The following CCDC85C variants were observed in gnomAD, a reference collection of about 807,000 sequenced individuals.
CCDC85C encodes the protein coiled-coil domain-containing protein 85C.
Under a neutral mutation model 38.3 loss-of-function variants are expected in CCDC85C, and 18 were observed. The observed-to-expected ratio is 0.47, with a 90% CI of 0.33 to 0.70. CCDC85C has a LOEUF of 0.70. CCDC85C is among the 30% of genes least tolerant of loss of function. The pLI is 0.03. For missense variants in CCDC85C, 566 were observed against 621.2 expected (o/e 0.91, Z 0.94); for synonymous variants, 264 against 293.8 (o/e 0.90, Z 1.04).
Position 99,516,142 on chromosome 14 carries a change from G to A in CCDC85C, c.1170+46C>T, listed in dbSNP as rs750269776. ...ATGGCCATGCTGGGTGGCCCTGGTC[G>A]CACTCCCAGTGCCAAGCCTCTGCCC... On this transcript the variant is annotated intron_variant, in intron 5 of 5. Coordinates refer to ENST00000380243, the MANE Select transcript of CCDC85C (RefSeq NM_001144995.2). This position sits in a 1 kb window ranked among gnomAD's most constrained non-coding sequence, Gnocchi z 5.5. The A allele has an allele frequency of 4.0e-5, 58 of 1,442,618 alleles. No homozygotes were observed. The highest frequency in any genetic ancestry group is 2.9e-4 in the South Asian group (24 of 82,020). 89.4% of individuals were successfully genotyped at this position (1,442,618 alleles called of 1,614,324 possible).
intron 1 of CCDC85C, chr14:99,580,102 G>C: frequency 2.2e-6 from 1 of 455,762 alleles, no homozygotes; most frequent in Non-Finnish European, 4.4e-6. Context: ...CCAGGAATTC[G>C]GTCAGCAAAG....
Position 99,569,605 on chromosome 14 carries a change from A to G in CCDC85C, c.794-33517T>C, listed in dbSNP as rs548039261. On this transcript the variant is annotated intron_variant, in intron 1 of 5. Transcript: ENST00000380243. The surrounding 1 kb of genome is among the most constrained non-coding windows in gnomAD (Gnocchi z 4.3). ...CCAGGCCAAAAAGCCAGGACACTCCAGAGCCAAGAGCTGAACCCAGGCACA... is the reference window on the plus strand; with the variant it reads ...CCAGGCCAAAAAGCCAGGACACTCCGGAGCCAAGAGCTGAACCCAGGCACA... 1.3e-5 allele frequency among the ~76,000 whole-genome samples: 2 copies of G among 152,344 alleles called. No individual in the cohort carries two copies. The highest frequency in any genetic ancestry group is 2.1e-4 in the South Asian group (1 of 4,830).
intron 2 of CCDC85C, among the ~76,000 whole-genome samples, chr14:99,531,408 A>G (rs1326428296): frequency 2.0e-5 from 3 of 152,186 alleles, no homozygotes; most frequent in Non-Finnish European, 4.4e-5. Context: ...CACAGGAAAA[A>G]TAAGAATGCA....
rs539905179 is a variant in CCDC85C, at chr14:99,548,075, G to A, written c.794-11987C>T. On this transcript the variant is annotated intron_variant, in intron 1 of 5. Transcript: ENST00000380243. This position sits in a 1 kb window ranked among gnomAD's most constrained non-coding sequence, Gnocchi z 4.9. ...AGAACAAACCATGAAGGGAACGACC[G>A]TGAAACCCGACTATATGAGGATTAC... Among the ~76,000 whole-genome samples the A allele has an allele frequency of 2.0e-5, 3 of 152,216 alleles. No individual in the cohort carries two copies. Among genetic ancestry groups the A allele is most frequent in the South Asian group, 2.1e-4 (1 of 4,824 alleles).
intron 1 of CCDC85C, among the ~76,000 whole-genome samples, chr14:99,553,680 GC>G (rs1169756615): frequency 2.6e-5 from 4 of 152,174 alleles, no homozygotes; most frequent in African/African-American, 9.7e-5. Context: ...TGAACACGTG[GC>G]ATCCCTCAGC....
chr14:99,560,037 C>T (rs1898087597), intron 1 of CCDC85C, among the ~76,000 whole-genome samples: 1 of 151,816 alleles, frequency 6.6e-6, no homozygotes, highest in African/African-American at 2.4e-5. Flanking sequence ...GCACCTAGGC[C>T]CCACTCACCC....
chr14:99,537,057 A>T (rs1239457004), intron 1 of CCDC85C, among the ~76,000 whole-genome samples: 2 of 152,116 alleles, frequency 1.3e-5, no homozygotes, highest in African/African-American at 4.8e-5. Flanking sequence ...GCAAGGGGGA[A>T]GCAAGGCTGT....
intron 1 of CCDC85C, among the ~76,000 whole-genome samples, chr14:99,573,469 G>A (rs193137055): frequency 1.3e-5 from 2 of 152,344 alleles, no homozygotes; most frequent in African/African-American, 4.8e-5. Flanking sequence ...AAAACCAGCT[G>A]AGGCCATGCC....
At chr14:99,571,501 A>T (rs1420132622) in intron 1 of CCDC85C, among the ~76,000 whole-genome samples, 2 of 152,194 alleles carry the variant, frequency 1.3e-5, no homozygotes, top group African/African-American at 4.8e-5. Flanking sequence ...ACGCAGACCA[A>T]AGGCCCACAG....
chr14:99,575,260 C>T (rs59357956), intron 1 of CCDC85C, among the ~76,000 whole-genome samples: 12,161 of 152,206 alleles, frequency 0.08, 794 homozygotes, highest in African/African-American at 0.18. Flanking sequence ...TTAGTGACTG[C>T]GCCAGGGGAG....
At chr14:99,567,068 C>T (rs768556551) in intron 1 of CCDC85C, among the ~76,000 whole-genome samples, 8 of 152,206 alleles carry the variant, frequency 5.3e-5, no homozygotes, top group Non-Finnish European at 1.0e-4. Context: ...GTAGTCCAGG[C>T]CTAGATTCCC....
chr14:99,556,504 CTA>C (rs899865091), intron 1 of CCDC85C, among the ~76,000 whole-genome samples: 5 of 152,112 alleles, frequency 3.3e-5, no homozygotes, highest in Admixed American at 6.5e-5. Flanking sequence ...TTTTTTGTCA[CTA>C]TGCTATATGA....
rs1898056100 is a variant in CCDC85C, at chr14:99,558,634, A to C, written c.794-22546T>G. 6.6e-6 allele frequency among the ~76,000 whole-genome samples: 1 copy of C among 152,236 alleles called. No individual in the cohort carries two copies. The highest frequency in any genetic ancestry group is 2.1e-4 in the South Asian group (1 of 4,836). ...GACTCTGTCTCAAAAAAATTAAATA[A>C]AAATAAAAACAATTAATCCAATGAC... On this transcript the variant is annotated intron_variant, in intron 1 of 5. Coordinates refer to ENST00000380243, the MANE Select transcript of CCDC85C (RefSeq NM_001144995.2). This position sits in a 1 kb window ranked among gnomAD's most constrained non-coding sequence, Gnocchi z 4.2.
chr14:99,599,567 G>A (rs2055178057), intron 1 of CCDC85C, among the ~76,000 whole-genome samples: 1 of 152,142 alleles, frequency 6.6e-6, no homozygotes, highest in South Asian at 2.1e-4. Flanking sequence ...CCAGTCCCAA[G>A]TCCAGTCAGC....
rs909486953 is a variant in CCDC85C, at chr14:99,516,190, T to A, written c.1168A>T (p.Asn390Tyr). 11 of 1,550,956 alleles carry A rather than the reference T, an allele frequency of 7.1e-6. No homozygotes were observed. Among genetic ancestry groups the A allele is most frequent in the Non-Finnish European group, 9.6e-6 (11 of 1,146,774 alleles). Residue 390 changes from asparagine to tyrosine, a missense_variant and splice_region_variant, in exon 5 of 6, where the codon AAC becomes TAC. Physicochemically the swap from Asn to Tyr is moderately radical, Grantham distance 143. Around this residue, in one of 3 missense-constraint regions of CCDC85C, gnomAD observed 286 missense variants for 276.4 expected, o/e 1.03. Transcript: ENST00000380243. The surrounding 1 kb of genome is among the most constrained non-coding windows in gnomAD (Gnocchi z 5.5). ...KEKAIVREMC[N>Y]VVWRKLGDAA... ...CCCCCCACCCCTGGAAGCCTCACGT[T>A]GCACATCTCGCGAACGATGGCCTTC...
At position 99,503,806 on chromosome 14, in the gene CCDC85C, T is replaced by C. The variant is rs1364550302; in HGVS notation, c.*11440A>G. On this transcript the variant is annotated 3_prime_UTR_variant, in exon 6 of 6. Coordinates refer to ENST00000380243, the MANE Select transcript of CCDC85C (RefSeq NM_001144995.2). ...CAGCATTGTCTTTCTGTTCATCACC[T>C]GATCATAGATTCTAAAATTGTGCTC... 9 of 611,562 alleles carry C rather than the reference T, an allele frequency of 1.5e-5. No individual in the cohort carries two copies. The highest frequency in any genetic ancestry group is 2.3e-5 in the Non-Finnish European group (8 of 346,220). 37.9% of individuals were successfully genotyped at this position (611,562 alleles called of 1,614,324 possible).
chr14:99,572,088 C>T lies in CCDC85C; in HGVS notation c.793+31079G>A, dbSNP rs536762735. On this transcript the variant is annotated intron_variant, in intron 1 of 5. Transcript: ENST00000380243. The surrounding 1 kb of genome is among the most constrained non-coding windows in gnomAD (Gnocchi z 4.4). ...GAGCCCCCAACCCTAACCCAGCACC[C>T]GCAAGTCTCTGGAAGGCAGCGGCAA... 2.6e-4 allele frequency among the ~76,000 whole-genome samples: 40 copies of T among 152,288 alleles called. No individual in the cohort carries two copies. The highest frequency in any genetic ancestry group is 6.3e-4 in the African/African-American group (26 of 41,566).
At chr14:99,565,036 C>T (rs1288044415) in intron 1 of CCDC85C, among the ~76,000 whole-genome samples, 1 of 152,176 alleles carries the variant, frequency 6.6e-6, no homozygotes, top group Non-Finnish European at 1.5e-5. Context: ...CCCGGCAGCC[C>T]GCGGCCTCTG....
At chr14:99,551,581 G>A (rs1272973362) in intron 1 of CCDC85C, among the ~76,000 whole-genome samples, 2 of 150,342 alleles carry the variant, frequency 1.3e-5, no homozygotes, top group Non-Finnish European at 3.0e-5. Context: ...AGGTGAGTGA[G>A]CAGGTGGGTG....
Sources: gnomAD v4.1 joint callset for allele counts (sites outside exome capture counted in the v4.1 genomes callset) on GRCh38, gnomAD v4.1.1 for gene constraint, gnomAD v4.1.1 regional missense constraint, Gnocchi (gnomAD v3.1) non-coding constraint, MANE v1.5 for transcripts, NCBI Gene and HGNC (gene_info 2026-07-23, HGNC 2026-07-21) for gene names.